The following FAM118B variants were observed in gnomAD, a reference collection of about 807,000 sequenced individuals.
FAM118B encodes protein FAM118B.
FAM118B carries 24 observed loss-of-function variants against 38.5 expected under a neutral mutation model. The ratio of observed to expected loss-of-function variants is 0.62; its 90% CI spans 0.45 to 0.88. The LOEUF (loss-of-function observed/expected upper bound fraction) is 0.88, where lower values mean the gene tolerates loss of function less well. Ranked by LOEUF, FAM118B falls within the 40% of genes least tolerant of loss-of-function variation. FAM118B has a pLI of 0.00. For missense variants in FAM118B, 334 were observed against 420.0 expected (o/e 0.80, Z 1.79); for synonymous variants, 138 against 156.3 (o/e 0.88, Z 0.87).
In FAM118B at chr11:126,255,481, GTA is replaced by G. The variant is rs1950563806; in HGVS notation, c.696+1052_696+1053del. On this transcript the variant is annotated intron_variant, in intron 6 of 8. Transcript: ENST00000533050. The surrounding 1 kb of genome is among the most constrained non-coding windows in gnomAD (Gnocchi z 4.6). Reference sequence around the variant, plus strand: ...CAGTCATTTCTGTGTTTTTGTGTGTGTATATGTATACACACACACACACATAC... The same window carrying G: ...CAGTCATTTCTGTGTTTTTGTGTGTGTATGTATACACACACACACACATAC... Among the ~76,000 whole-genome samples, 1 of 152,006 alleles carries G rather than the reference GTA, an allele frequency of 6.6e-6. No individual in the cohort carries two copies. The highest frequency in any genetic ancestry group is 6.6e-5 in the Admixed American group (1 of 15,246).
chr11:126,224,823 G>A (rs750452226), intron 1 of FAM118B, among the ~76,000 whole-genome samples: 2 of 152,182 alleles, frequency 1.3e-5, no homozygotes, highest in Non-Finnish European at 2.9e-5. Flanking sequence ...CTAGGAATGC[G>A]TTTCTCCTCA....
chr11:126,248,322 A>G (rs1169817708), intron 4 of FAM118B, among the ~76,000 whole-genome samples: 1 of 149,288 alleles, frequency 6.7e-6, no homozygotes, highest in Non-Finnish European at 1.5e-5. Flanking sequence ...TTTTATAACA[A>G]ATCTAAAAAA....
intron 1 of FAM118B, among the ~76,000 whole-genome samples, chr11:126,215,668 G>A (rs1397608549): frequency 1.5e-5 from 2 of 134,850 alleles, no homozygotes; most frequent in Admixed American, 1.7e-4. Flanking sequence ...CTGCATTCCA[G>A]CCTGGGTGAA....
At chr11:126,215,943 G>A (rs1949972913) in intron 1 of FAM118B, among the ~76,000 whole-genome samples, 1 of 152,112 alleles carries the variant, frequency 6.6e-6, no homozygotes, top group Non-Finnish European at 1.5e-5. Flanking sequence ...GGGAATTCAA[G>A]GCTGCAGCTG....
At position 126,254,654 on chromosome 11, in the gene FAM118B, G is replaced by A. The variant is rs547333762; in HGVS notation, c.696+221G>A. On this transcript the variant is annotated intron_variant, in intron 6 of 8. Transcript: ENST00000533050. ...TCGAGACCAGCCTGGGCAACATAGC[G>A]AGACTCTTGTCTTTACAAAAATAAA... 5.3e-5 allele frequency among the ~76,000 whole-genome samples: 8 copies of A among 152,278 alleles called. No individual in the cohort carries two copies. The East Asian group carries it at 5.8e-4, about 11-fold the overall frequency.
rs1950495357 is a variant in FAM118B, at chr11:126,250,926, T to C, written c.567+193T>C. Among the ~76,000 whole-genome samples, 1 of 152,226 alleles carries C rather than the reference T, an allele frequency of 6.6e-6. No homozygotes were observed. Among genetic ancestry groups the C allele is most frequent in the African/African-American group, 2.4e-5 (1 of 41,454 alleles). ...CAATATACAGTAAAATGCATAGAAC[T>C]TAAAAGTGTTCAGTTCTATGACTCT... On this transcript the variant is annotated intron_variant, in intron 5 of 8. Transcript: ENST00000533050. The surrounding 1 kb of genome is among the most constrained non-coding windows in gnomAD (Gnocchi z 5.1).
At chr11:126,226,630 A>G (rs1950145702) in intron 1 of FAM118B, among the ~76,000 whole-genome samples, 1 of 152,240 alleles carries the variant, frequency 6.6e-6, no homozygotes, top group African/African-American at 2.4e-5. Flanking sequence ...TTAAAAGGAA[A>G]TGCAACTACC....
At chr11:126,236,285 T>G (rs966071225) in intron 3 of FAM118B, among the ~76,000 whole-genome samples, 1 of 152,234 alleles carries the variant, frequency 6.6e-6, no homozygotes, top group Non-Finnish European at 1.5e-5. Flanking sequence ...AGAAAATTAT[T>G]TGGACATATT....
At chr11:126,260,567 G>A (rs1950668745) in intron 7 of FAM118B, 1 of 151,860 alleles carries the variant, frequency 6.6e-6, no homozygotes, top group African/African-American at 2.4e-5. Context: ...CCAGTTTTTT[G>A]TAAGTCATGT....
rs1950582231 is a variant in FAM118B at position 126,256,567 on chromosome 11, A to C, written c.697A>C (p.Arg233=). 2 of 1,612,940 alleles carry C rather than the reference A, an allele frequency of 1.2e-6. No homozygotes were observed. The highest frequency in any genetic ancestry group is 1.7e-6 in the Non-Finnish European group (2 of 1,179,502). ...AATATGTTGTATCTTTTCCTTCCAG[A>C]GAGAAATTCAGAAACTCTACGAAAA... ...QNVLRNTEVM[R]EIQKLYENKS... is the part of the protein sequence containing the mutation. Residue 233 remains arginine, a splice_region_variant and synonymous_variant, in exon 7 of 9, where the codon AGA becomes CGA. Coordinates refer to ENST00000533050, the MANE Select transcript of FAM118B (RefSeq NM_024556.4). The surrounding 1 kb of genome is among the most constrained non-coding windows in gnomAD (Gnocchi z 6.6).
At chr11:126,225,893 C>G (rs941510081) in intron 1 of FAM118B, among the ~76,000 whole-genome samples, 8 of 152,114 alleles carry the variant, frequency 5.3e-5, no homozygotes, top group Non-Finnish European at 1.0e-4. Context: ...AGCAGGAGAA[C>G]TGCTTGAACC....
At chr11:126,262,035 A>G (rs1950711714) in intron 8 of FAM118B, 85 bp from the exon 9 acceptor site, 3 of 1,317,746 alleles carry the variant, frequency 2.3e-6, no homozygotes, top group South Asian at 1.2e-5. Context: ...CTGAAGGGTT[A>G]GGATTGACTT....
In FAM118B at chr11:126,247,872, T is replaced by A. The variant is rs1032768449; in HGVS notation, c.340-2634T>A. The stretch of plus-strand genomic sequence containing the variant: ...GACTCCATCTCAAAAAAAAAATATA[T>A]ATATATATCTATATATATATATAGA... On this transcript the variant is annotated intron_variant, in intron 4 of 8. Coordinates refer to ENST00000533050, the MANE Select transcript of FAM118B (RefSeq NM_024556.4). Among the ~76,000 whole-genome samples the A allele has an allele frequency of 2.1e-4, 30 of 143,866 alleles. 1 individual carries two copies. The highest frequency in any genetic ancestry group is 4.3e-4 in the South Asian group (2 of 4,610). The allele number at this position is 143,866 out of a possible 152,430, so 94.4% of individuals were successfully genotyped here.
intron 4 of FAM118B, among the ~76,000 whole-genome samples, chr11:126,246,049 A>T (rs1465094358): frequency 6.6e-6 from 1 of 152,022 alleles, no homozygotes; most frequent in Non-Finnish European, 1.5e-5. Context: ...GAATGGAGGA[A>T]ATTATTTGTA....
chr11:126,239,165 G>A (rs674218), intron 3 of FAM118B, among the ~76,000 whole-genome samples: 28,138 of 151,534 alleles, frequency 0.19, 2,918 homozygotes, highest in Non-Finnish European at 0.25. Context: ...GGCAGAGATG[G>A]GGTCTCACTA....
In FAM118B at chr11:126,255,631, G is replaced by A. The variant is rs1041597577; in HGVS notation, c.697-936G>A. The stretch of plus-strand genomic sequence containing the variant: ...TATGGTCCAGAAATGGAAGGATTAA[G>A]ATATATGAAGACCTACTCTTTGCAC... On this transcript the variant is annotated intron_variant, in intron 6 of 8. Transcript: ENST00000533050. The surrounding 1 kb of genome is among the most constrained non-coding windows in gnomAD (Gnocchi z 4.6). 6.6e-6 allele frequency among the ~76,000 whole-genome samples: 1 copy of A among 152,182 alleles called. No homozygotes were observed. The highest frequency in any genetic ancestry group is 1.5e-5 in the Non-Finnish European group (1 of 68,024).
intron 1 of FAM118B, among the ~76,000 whole-genome samples, chr11:126,219,889 AG>A (rs1950041316): frequency 6.7e-6 from 1 of 149,224 alleles, no homozygotes; most frequent in Non-Finnish European, 1.5e-5. Flanking sequence ...GAGCTGCTTG[AG>A]TTTTTTTTTT....
At chr11:126,219,349 C>CTTTTTTTTATTTTTTTTTTTTTTTT (rs1950028986) in intron 1 of FAM118B, among the ~76,000 whole-genome samples, 1 of 44,414 alleles carries the variant, frequency 2.3e-5, no homozygotes, top group Non-Finnish European at 3.9e-5. Context: ...TCTTGTTTAT[C>CTTTTTTTTATTTTTTTTTTTTTTTT]TTTTTTTTTT....
intron 4 of FAM118B, among the ~76,000 whole-genome samples, chr11:126,248,006 C>T (rs1191107419): frequency 6.7e-6 from 1 of 148,668 alleles, no homozygotes; most frequent in Non-Finnish European, 1.5e-5. Context: ...ATATACAAGG[C>T]GTGGTGGCAC....
Sources: allele counts gnomAD v4.1 joint callset (sites outside exome capture counted in the v4.1 genomes callset), GRCh38; gene constraint gnomAD v4.1.1; non-coding constraint Gnocchi (gnomAD v3.1); transcripts MANE v1.5; gene names NCBI Gene and HGNC (gene_info 2026-07-23, HGNC 2026-07-21).